KIF1A: variants seen among roughly 807,000 people sequenced by gnomAD.
KIF1A encodes kinesin family member 1A.
A neutral mutation model predicts 227.3 loss-of-function variants in KIF1A; 46 were observed. The ratio of observed to expected loss-of-function variants is 0.20; its 90% CI spans 0.16 to 0.26. The LOEUF is 0.26. KIF1A is among the 10% of genes least tolerant of loss of function. The pLI is 1.00. For synonymous variants in KIF1A, 1,022 were observed against 1,012.8 expected (o/e 1.01, Z -0.17); for missense variants, 1,683 against 2,485.9 (o/e 0.68, Z 6.87).
intron 5 of KIF1A, among the ~76,000 whole-genome samples, chr2:240,786,834 G>A (rs558310199): frequency 0.011 from 1,612 of 148,592 alleles, 176 homozygotes; most frequent in African/African-American, 0.038. Context: ...GAGGGTGGGG[G>A]CTGCCTGCTG....
At chr2:240,784,808 C>T (rs925578244) in intron 7 of KIF1A, among the ~76,000 whole-genome samples, 181 bp downstream of exon 7, 2 of 133,058 alleles carry the variant, frequency 1.5e-5, no homozygotes, top group Non-Finnish European at 3.2e-5. Context: ...GGAGAAGGGC[C>T]TCTGGGGCGG....
chr2:240,786,671 A>G lies in KIF1A; in HGVS notation c.430-158T>C, dbSNP rs928013070. Among the ~76,000 whole-genome samples the G allele has an allele frequency of 0.034, 3,878 of 112,750 alleles. 192 individuals carry two copies. The highest frequency in any genetic ancestry group is 0.11 in the African/African-American group (3,254 of 30,260). The allele number at this position is 112,750 out of a possible 152,430, so 74.0% of individuals were successfully genotyped here. On this transcript the variant is annotated intron_variant, in intron 5 of 48. Transcript: ENST00000498729. ...ACCCCTGAGTGAGGGGGTGGGGGCC[A>G]CCACCAGGACCCCTGAGGGGATGGG... is the stretch of plus-strand genomic sequence containing the variant.
intron 6 of KIF1A, among the ~76,000 whole-genome samples, chr2:240,785,856 A>G (rs1213789703): frequency 1.3e-5 from 2 of 152,180 alleles, no homozygotes; most frequent in Non-Finnish European, 2.9e-5. Context: ...CCCGGGTGGC[A>G]GAGGGAGTCT....
chr2:240,731,638 C>G (rs962859496), intron 38 of KIF1A, among the ~76,000 whole-genome samples: 1 of 152,206 alleles, frequency 6.6e-6, no homozygotes, highest in Non-Finnish European at 1.5e-5. Flanking sequence ...CGGGAGCTGC[C>G]TTTTCCACTC....
intron 28 of KIF1A, 56 bp downstream of exon 28, chr2:240,750,373 G>T: frequency 2.9e-6 from 4 of 1,369,902 alleles, no homozygotes; most frequent in African/African-American, 1.4e-5. Flanking sequence ...GCCTGCAAAG[G>T]TCAGAGCCAG....
At position 240,766,874 on chromosome 2, in the gene KIF1A, C is replaced by T. The variant is rs1358779677; in HGVS notation, c.1684+41G>A. ...TCATTCAGGCCTGATCATCACGGCACAGGGGCATGGGTGCGGGTAGGGACG... is the reference window on the plus strand; with the variant it reads ...TCATTCAGGCCTGATCATCACGGCATAGGGGCATGGGTGCGGGTAGGGACG... On this transcript the variant is annotated intron_variant, in intron 19 of 48. Coordinates refer to ENST00000498729, the MANE Select transcript of KIF1A (RefSeq NM_001244008.2). The surrounding 1 kb of genome is among the most constrained non-coding windows in gnomAD (Gnocchi z 5.0). 2.1e-6 allele frequency: 3 copies of T among 1,421,280 alleles called. No homozygotes were observed. Among genetic ancestry groups the T allele is most frequent in the East Asian group, 2.4e-5 (1 of 42,032 alleles). 88.0% of individuals were successfully genotyped at this position (1,421,280 alleles called of 1,614,324 possible).
At chr2:240,770,410 C>G (rs2051792821) in intron 15 of KIF1A, among the ~76,000 whole-genome samples, 1 of 152,132 alleles carries the variant, frequency 6.6e-6, no homozygotes, top group South Asian at 2.1e-4. Flanking sequence ...CAGGAACCTG[C>G]ACCACACTCA....
At chr2:240,787,571 C>T (rs1165624845) in intron 4 of KIF1A, among the ~76,000 whole-genome samples, 2 of 152,224 alleles carry the variant, frequency 1.3e-5, no homozygotes, top group African/African-American at 2.4e-5. Flanking sequence ...ATCCTACAGA[C>T]ATCCCAGCCA....
chr2:240,811,749 G>A (rs1026769259), intron 1 of KIF1A, among the ~76,000 whole-genome samples: 4 of 152,194 alleles, frequency 2.6e-5, no homozygotes, highest in Non-Finnish European at 1.5e-5. Flanking sequence ...TGGCAGGGAG[G>A]AAGCCAGAGG....
intron 37 of KIF1A, among the ~76,000 whole-genome samples, chr2:240,738,896 C>T (rs978738873): frequency 3.3e-5 from 5 of 152,230 alleles, no homozygotes; most frequent in African/African-American, 1.2e-4. Context: ...AATGTGAGGG[C>T]AGTGCTGCCC....
chr2:240,806,687 A>G (rs2057431876), intron 1 of KIF1A, among the ~76,000 whole-genome samples: 1 of 152,226 alleles, frequency 6.6e-6, no homozygotes. Flanking sequence ...TCTAGCATCC[A>G]ATCAAAAATT....
chr2:240,817,903 G>A (rs966096012), intron 1 of KIF1A, among the ~76,000 whole-genome samples: 59 of 152,218 alleles, frequency 3.9e-4, no homozygotes, highest in African/African-American at 4.8e-5. Context: ...CAGGCTGGGC[G>A]GCCGGGCAGT....
Position 240,761,455 on chromosome 2 carries a change from G to A in KIF1A, c.2117-78C>T, listed in dbSNP as rs2050520024. The A allele has an allele frequency of 2.9e-6, 4 of 1,399,928 alleles. No homozygotes were observed. In the South Asian group the frequency reaches 6.1e-5, roughly 22 times the overall value. 86.7% of individuals were successfully genotyped at this position (1,399,928 alleles called of 1,614,324 possible). On this transcript the variant is annotated intron_variant, in intron 23 of 48. Transcript: ENST00000498729. ...CCATGCCCCGCCCTCTGGAAGGTCA[G>A]GCTGGTCGGCCACTCCATGGGGCTG...
At position 240,765,213 on chromosome 2, in the gene KIF1A, G is replaced by A. The variant is rs969739221; in HGVS notation, c.1768+497C>T. Among the ~76,000 whole-genome samples, 5 of 152,340 alleles carry A rather than the reference G, an allele frequency of 3.3e-5. No homozygotes were observed. In the South Asian group the frequency reaches 6.2e-4, roughly 19 times the overall value. On this transcript the variant is annotated intron_variant, in intron 20 of 48. Transcript: ENST00000498729. ...CTCTAAAGAAGGGACTTTATGCCAC[G>A]TGTGCCTGCACGTGTTTGAACATCA...
intron 38 of KIF1A, among the ~76,000 whole-genome samples, chr2:240,731,645 A>G (rs759207882): frequency 6.7e-6 from 1 of 150,312 alleles, no homozygotes; most frequent in Admixed American, 6.6e-5. Flanking sequence ...TGCCTTTTCC[A>G]CTCTCCCCTC....
intron 40 of KIF1A, chr2:240,724,238 G>A: frequency 1.6e-6 from 1 of 615,690 alleles, no homozygotes; most frequent in Non-Finnish European, 3.0e-6. Context: ...AGATGCATTG[G>A]CTGGTCTTGC....
chr2:240,775,782 G>T lies in KIF1A; in HGVS notation c.958+69C>A. ...CTGCTGGCGACTGGGCACCCCCTCA[G>T]TGGGGAAGAAGGGCACAGCCCAGGG... On this transcript the variant is annotated intron_variant, in intron 11 of 48. Coordinates refer to ENST00000498729, the MANE Select transcript of KIF1A (RefSeq NM_001244008.2). This position sits in a 1 kb window ranked among gnomAD's most constrained non-coding sequence, Gnocchi z 5.5. The T allele has an allele frequency of 1.9e-6, 2 of 1,076,240 alleles. No homozygotes were observed. The highest frequency in any genetic ancestry group is 2.9e-6 in the Non-Finnish European group (2 of 691,724). The allele number at this position is 1,076,240 out of a possible 1,614,324, so 66.7% of individuals were successfully genotyped here.
chr2:240,783,446 C>T (rs928824907), intron 8 of KIF1A, among the ~76,000 whole-genome samples: 2 of 152,226 alleles, frequency 1.3e-5, no homozygotes, highest in African/African-American at 4.8e-5. Context: ...CACTGCTTCC[C>T]GGGTGGTGCC....
chr2:240,797,780 G>T lies in KIF1A; in HGVS notation c.-28C>A. 7.0e-7 allele frequency: 1 copy of T among 1,434,144 alleles called. No homozygotes were observed. The highest frequency in any genetic ancestry group is 9.7e-7 in the Non-Finnish European group (1 of 1,027,024). 88.8% of individuals were successfully genotyped at this position (1,434,144 alleles called of 1,614,324 possible). ...CTGTGGCCTTCGTGGGTCACTCCTC[G>T]CAGTAGTGGGAGCCCCAGTGTGGGG... On this transcript the variant is annotated 5_prime_UTR_variant, in exon 2 of 49. Transcript: ENST00000498729.
Sources: gnomAD v4.1 joint callset for allele counts (sites outside exome capture counted in the v4.1 genomes callset) on GRCh38, gnomAD v4.1.1 for gene constraint, Gnocchi (gnomAD v3.1) non-coding constraint, MANE v1.5 for transcripts, NCBI Gene and HGNC (gene_info 2026-07-23, HGNC 2026-07-21) for gene names.